The following HS6ST3 variants were observed in gnomAD, a reference collection of about 807,000 sequenced individuals.
The protein encoded by HS6ST3 is heparan sulfate 6-O-sulfotransferase 3, also known as heparan-sulfate 6-O-sulfotransferase 3.
A neutral mutation model predicts 36.7 loss-of-function variants in HS6ST3; 12 were observed. The observed-to-expected ratio is 0.33, with a 90% confidence interval of 0.21 to 0.53. HS6ST3 has a LOEUF of 0.53. Ranked by LOEUF, HS6ST3 falls within the 20% of genes least tolerant of loss-of-function variation. The probability of loss-of-function intolerance (pLI) is 0.95; values close to 1 mark genes in which losing one functional copy is unlikely to be tolerated. For missense variants in HS6ST3, 584 were observed against 640.9 expected (o/e 0.91, Z 0.96); for synonymous variants, 240 against 257.5 (o/e 0.93, Z 0.65).
intron 1 of HS6ST3, among the ~76,000 whole-genome samples, chr13:96,575,129 C>G (rs1257359399): frequency 6.6e-6 from 1 of 152,146 alleles, no homozygotes; most frequent in Non-Finnish European, 1.5e-5. Flanking sequence ...TTGCAGATCT[C>G]ATTGCTTGGC....
At chr13:96,149,326 AT>A (rs764454557) in intron 1 of HS6ST3, among the ~76,000 whole-genome samples, 1 of 152,122 alleles carries the variant, frequency 6.6e-6, no homozygotes, top group African/African-American at 2.4e-5. Flanking sequence ...ATGAAAGTTT[AT>A]TTTTTATTAT....
intron 1 of HS6ST3, among the ~76,000 whole-genome samples, chr13:96,174,262 G>T (rs1161434266): frequency 6.6e-6 from 1 of 151,964 alleles, no homozygotes; most frequent in African/African-American, 2.4e-5. Flanking sequence ...CTGCCTATAT[G>T]TTTATAATAT....
At chr13:96,475,421 A>G (rs1272230343) in intron 1 of HS6ST3, among the ~76,000 whole-genome samples, 5 of 152,084 alleles carry the variant, frequency 3.3e-5, no homozygotes, top group African/African-American at 4.8e-5. Context: ...TACAAGCATA[A>G]TGGTTTAGCT....
intron 1 of HS6ST3, among the ~76,000 whole-genome samples, chr13:96,466,522 G>T (rs1164840436): frequency 6.6e-6 from 1 of 152,108 alleles, no homozygotes; most frequent in Non-Finnish European, 1.5e-5. Context: ...CTGAAATCAT[G>T]CATTATTTGT....
chr13:96,260,558 C>T (rs1446059976), intron 1 of HS6ST3, among the ~76,000 whole-genome samples: 1 of 152,078 alleles, frequency 6.6e-6, no homozygotes, highest in Admixed American at 6.6e-5. Flanking sequence ...CGTGATCCAC[C>T]CACCTCGGCC....
chr13:96,734,226 C>T (rs542035391), intron 1 of HS6ST3, among the ~76,000 whole-genome samples: 1 of 152,174 alleles, frequency 6.6e-6, no homozygotes, highest in African/African-American at 2.4e-5. Flanking sequence ...GAAGTACTCA[C>T]AAGTAAGTGC....
intron 1 of HS6ST3, among the ~76,000 whole-genome samples, chr13:96,773,546 A>G (rs1416656529): frequency 6.6e-6 from 1 of 152,180 alleles, no homozygotes; most frequent in Non-Finnish European, 1.5e-5. Context: ...CTCACAGTGT[A>G]AACAAGGCCA....
intron 1 of HS6ST3, among the ~76,000 whole-genome samples, chr13:96,531,096 A>G (rs778684652): frequency 1.2e-4 from 18 of 152,028 alleles, no homozygotes; most frequent in Non-Finnish European, 1.9e-4. Context: ...TATTCTAGCC[A>G]TATCTCTTTC....
chr13:96,387,826 T>A (rs2055376022), intron 1 of HS6ST3, among the ~76,000 whole-genome samples: 1 of 152,184 alleles, frequency 6.6e-6, no homozygotes, highest in Non-Finnish European at 1.5e-5. Flanking sequence ...TGCATGATGA[T>A]CTTACAGGGG....
intron 1 of HS6ST3, among the ~76,000 whole-genome samples, chr13:96,563,721 C>T (rs1344884431): frequency 6.6e-6 from 1 of 152,128 alleles, no homozygotes; most frequent in African/African-American, 2.4e-5. Flanking sequence ...TTGCTAATGG[C>T]CATGTTGTGG....
At chr13:96,765,109 C>T (rs1413196791) in intron 1 of HS6ST3, among the ~76,000 whole-genome samples, 3 of 146,860 alleles carry the variant, frequency 2.0e-5, no homozygotes, top group African/African-American at 7.5e-5. Context: ...CTCTGTCGCC[C>T]ACGCCGGACT....
intron 1 of HS6ST3, among the ~76,000 whole-genome samples, chr13:96,493,032 A>C (rs143355629): frequency 1.8e-3 from 279 of 152,338 alleles, no homozygotes; most frequent in Non-Finnish European, 1.6e-3. Flanking sequence ...TTAATTTCTC[A>C]GAACCACGCT....
At chr13:96,564,930 A>G (rs1371998361) in intron 1 of HS6ST3, among the ~76,000 whole-genome samples, 1 of 152,160 alleles carries the variant, frequency 6.6e-6, no homozygotes, top group Non-Finnish European at 1.5e-5. Context: ...CTTTGATGAG[A>G]GAAGAAATTA....
At chr13:96,610,390 TG>T (rs1422774871) in intron 1 of HS6ST3, among the ~76,000 whole-genome samples, 2 of 152,220 alleles carry the variant, frequency 1.3e-5, no homozygotes, top group African/African-American at 4.8e-5. Flanking sequence ...GGCTTATGCA[TG>T]AATATAAAAA....
At chr13:96,435,617 C>A (rs1252443821) in intron 1 of HS6ST3, among the ~76,000 whole-genome samples, 3 of 152,206 alleles carry the variant, frequency 2.0e-5, no homozygotes, top group Non-Finnish European at 2.9e-5. Flanking sequence ...AAGCATAGTA[C>A]TAGGAAGCCC....
At chr13:96,165,643 G>A (rs1360606400) in intron 1 of HS6ST3, among the ~76,000 whole-genome samples, 1 of 152,196 alleles carries the variant, frequency 6.6e-6, no homozygotes, top group Non-Finnish European at 1.5e-5. Context: ...GAACCTAGGT[G>A]GGTGGGTCAT....
chr13:96,684,624 A>G (rs1037809951), intron 1 of HS6ST3, among the ~76,000 whole-genome samples: 1 of 152,086 alleles, frequency 6.6e-6, no homozygotes, highest in African/African-American at 2.4e-5. Flanking sequence ...CAGAGGGCCA[A>G]ACTTTGAATG....
At chr13:96,565,780 C>T (rs2056278922) in intron 1 of HS6ST3, among the ~76,000 whole-genome samples, 1 of 152,074 alleles carries the variant, frequency 6.6e-6, no homozygotes, top group Admixed American at 6.6e-5. Context: ...AGTCAACAAA[C>T]CCTGTCAATG....
At chr13:96,507,798 A>G (rs2056032494) in intron 1 of HS6ST3, among the ~76,000 whole-genome samples, 1 of 152,240 alleles carries the variant, frequency 6.6e-6, no homozygotes, top group East Asian at 1.9e-4. Flanking sequence ...ATTCCAGAAA[A>G]ATAAAATCAA....
Sources: allele counts gnomAD v4.1 joint callset (sites outside exome capture counted in the v4.1 genomes callset), GRCh38; gene constraint gnomAD v4.1.1; transcripts MANE v1.5; gene names NCBI Gene and HGNC (gene_info 2026-07-23, HGNC 2026-07-21).